DCC: variants seen among roughly 807,000 people sequenced by gnomAD.
The protein encoded by DCC is DCC netrin 1 receptor.
DCC carries 58 observed loss-of-function variants against 172.5 expected under a neutral mutation model. The observed-to-expected ratio is 0.34, with a 90% CI of 0.27 to 0.42. The LOEUF is 0.42. Ranked by LOEUF, DCC falls within the 10% of genes least tolerant of loss-of-function variation. DCC has a pLI of 1.00. For missense variants in DCC, 1,740 were observed against 1,791.0 expected, an observed-to-expected ratio of 0.97 and a Z score of 0.51; for synonymous variants, 709 against 644.5, an observed-to-expected ratio of 1.10 and a Z score of -1.52.
In DCC at chr18:52,539,091, A is replaced by C. The variant is rs145939589; in HGVS notation, c.91+198213A>C. Reference sequence around the variant, plus strand: ...CAATTTGGGTTTGGATGTTTGTTAGAACATGAACTGGCATTGGGATTTCAT... The same window carrying C: ...CAATTTGGGTTTGGATGTTTGTTAGCACATGAACTGGCATTGGGATTTCAT... On this transcript the variant is annotated intron_variant, in intron 1 of 28. Transcript: ENST00000442544. Among the ~76,000 whole-genome samples, 362 of 152,300 alleles carry C rather than the reference A, an allele frequency of 2.4e-3. 2 individuals are homozygous for C. In the Middle Eastern group the frequency reaches 0.037, roughly 16 times the overall value.
chr18:52,884,288 G>A (rs981503516), intron 2 of DCC, among the ~76,000 whole-genome samples: 3 of 151,816 alleles, frequency 2.0e-5, no homozygotes, highest in African/African-American at 7.3e-5. Flanking sequence ...TAAACTTTCT[G>A]TTCCTATCTT....
intron 12 of DCC, among the ~76,000 whole-genome samples, chr18:53,230,104 CTTCA>C (rs755827715): frequency 2.1e-4 from 32 of 152,052 alleles, no homozygotes; most frequent in Non-Finnish European, 5.9e-5. Flanking sequence ...GTTCCTCCAT[CTTCA>C]TTGTTATTGA....
At chr18:52,894,602 C>T (rs1339733396) in intron 2 of DCC, among the ~76,000 whole-genome samples, 3 of 151,556 alleles carry the variant, frequency 2.0e-5, no homozygotes, top group African/African-American at 4.8e-5. Context: ...CTTAGAAGTC[C>T]TAGTATCTAT....
At chr18:52,902,883 C>G (rs1164090139) in intron 2 of DCC, among the ~76,000 whole-genome samples, 3 of 152,172 alleles carry the variant, frequency 2.0e-5, no homozygotes, top group Admixed American at 6.5e-5. Flanking sequence ...GACAAATAAT[C>G]AACTCTGTGA....
chr18:52,462,076 C>T (rs777598740), intron 1 of DCC, among the ~76,000 whole-genome samples: 7 of 151,970 alleles, frequency 4.6e-5, no homozygotes, highest in African/African-American at 1.2e-4. Context: ...ATCCTTTGGC[C>T]GCACCTTCAA....
intron 12 of DCC, among the ~76,000 whole-genome samples, chr18:53,251,099 A>G (rs2056425247): frequency 6.6e-6 from 1 of 151,856 alleles, no homozygotes; most frequent in Admixed American, 6.6e-5. Context: ...TTCGTCTCTT[A>G]CACCATCATC....
At chr18:52,541,875 G>GTATATATATATA (rs765428849) in intron 1 of DCC, among the ~76,000 whole-genome samples, 2,093 of 114,972 alleles carry the variant, frequency 0.018, 85 homozygotes, top group African/African-American at 0.059. Flanking sequence ...GTGTGTGTGT[G>GTATATATATATA]TATATATATA....
intron 1 of DCC, among the ~76,000 whole-genome samples, chr18:52,567,757 C>A (rs569935789): frequency 6.6e-6 from 1 of 151,970 alleles, no homozygotes; most frequent in Non-Finnish European, 1.5e-5. Flanking sequence ...GACTTTACTA[C>A]TAAGCAGTAT....
intron 22 of DCC, among the ~76,000 whole-genome samples, chr18:53,445,329 A>G (rs1912529011): frequency 6.6e-6 from 1 of 152,244 alleles, no homozygotes; most frequent in Admixed American, 6.5e-5. Flanking sequence ...GTAAACTGCA[A>G]TTGTAGGAGT....
At chr18:53,435,451 A>C (rs1305689983) in intron 22 of DCC, among the ~76,000 whole-genome samples, 12 of 152,276 alleles carry the variant, frequency 7.9e-5, no homozygotes, top group African/African-American at 2.9e-4. Context: ...GTAAAAAAGG[A>C]GTCAGTTAGA....
intron 5 of DCC, among the ~76,000 whole-genome samples, chr18:53,060,580 G>C (rs575060881): frequency 6.6e-6 from 1 of 152,230 alleles, no homozygotes; most frequent in East Asian, 1.9e-4. Context: ...AATAATTGTT[G>C]AGGCATCCCT....
chr18:53,229,555 T>G (rs1238460722), intron 12 of DCC, among the ~76,000 whole-genome samples: 2 of 152,136 alleles, frequency 1.3e-5, no homozygotes, highest in African/African-American at 4.8e-5. Context: ...AGCTCTGTTT[T>G]CAGTGACATT....
intron 15 of DCC, among the ~76,000 whole-genome samples, chr18:53,345,135 TA>T (rs1465407179): frequency 6.6e-6 from 1 of 151,492 alleles, no homozygotes; most frequent in Non-Finnish European, 1.5e-5. Context: ...ATATAATTTT[TA>T]TATATTATAA....
chr18:53,342,103 T>C (rs2057666098), intron 15 of DCC, among the ~76,000 whole-genome samples: 1 of 152,070 alleles, frequency 6.6e-6, no homozygotes, highest in Non-Finnish European at 1.5e-5. Context: ...AAAAAGCTAT[T>C]TGTTTTATAA....
At chr18:53,243,624 G>C (rs1178974109) in intron 12 of DCC, among the ~76,000 whole-genome samples, 1 of 152,124 alleles carries the variant, frequency 6.6e-6, no homozygotes, top group Non-Finnish European at 1.5e-5. Context: ...TTTGCTGGCA[G>C]ATTATGTGGT....
chr18:53,119,355 T>A (rs995673566), intron 7 of DCC, among the ~76,000 whole-genome samples: 2 of 151,834 alleles, frequency 1.3e-5, no homozygotes, highest in Admixed American at 1.3e-4. Flanking sequence ...ATCATTTTTG[T>A]GTACTTAGCC....
At chr18:52,505,994 A>AC (rs1229373365) in intron 1 of DCC, among the ~76,000 whole-genome samples, 2 of 152,184 alleles carry the variant, frequency 1.3e-5, no homozygotes, top group Non-Finnish European at 2.9e-5. Context: ...TCCACATGTC[A>AC]CCATGTTCAC....
chr18:52,967,028 G>A (rs1471521077), intron 5 of DCC, among the ~76,000 whole-genome samples: 2 of 152,098 alleles, frequency 1.3e-5, no homozygotes, highest in East Asian at 3.9e-4. Flanking sequence ...TATACTAATG[G>A]TGAGGCAGGG....
intron 1 of DCC, among the ~76,000 whole-genome samples, chr18:52,657,204 C>G (rs2035272317): frequency 6.6e-6 from 1 of 152,136 alleles, no homozygotes; most frequent in South Asian, 2.1e-4. Context: ...TGTGATGTTC[C>G]CCATAGTGTG....
Sources: allele counts gnomAD v4.1 joint callset (sites outside exome capture counted in the v4.1 genomes callset), GRCh38; gene constraint gnomAD v4.1.1; transcripts MANE v1.5; gene names NCBI Gene and HGNC (gene_info 2026-07-23, HGNC 2026-07-21).